Variants in MTHFD1L observed in about 807,000 individuals in gnomAD.
The protein encoded by MTHFD1L is monofunctional C1-tetrahydrofolate synthase, mitochondrial.
In MTHFD1L, 81 loss-of-function variants were observed where a neutral mutation model predicts 119.5. The ratio of observed to expected loss-of-function variants is 0.68; its 90% CI spans 0.57 to 0.82. The LOEUF is 0.82. Among genes scored for constraint, MTHFD1L ranks in the 40% least tolerant of loss-of-function variants. The pLI, the probability that MTHFD1L is intolerant of heterozygous loss-of-function variation, is 0.00. For missense variants in MTHFD1L, 1,125 were observed against 1,253.4 expected (o/e 0.90, Z 1.55); for synonymous variants, 430 against 475.2 (o/e 0.90, Z 1.24).
chr6:150,928,380 G>A (rs1790409077), intron 11 of MTHFD1L, among the ~76,000 whole-genome samples: 1 of 142,962 alleles, frequency 7.0e-6, no homozygotes, highest in Non-Finnish European at 1.5e-5. Flanking sequence ...AGCTTGCGGT[G>A]AGCCAAGATC....
At chr6:151,006,472 C>A (rs1434018998) in intron 20 of MTHFD1L, among the ~76,000 whole-genome samples, 1 of 152,024 alleles carries the variant, frequency 6.6e-6, no homozygotes, top group Non-Finnish European at 1.5e-5. Flanking sequence ...ACAAGGGTGG[C>A]CTTGACTTTT....
chr6:150,865,730 G>A lies in MTHFD1L; in HGVS notation c.-93G>A. ...GAAGCGCCAGGTCCTTCCCGCCGCC[G>A]CCGCCGCCGCCGCCGCCTGCTCCCC... On this transcript the variant is annotated 5_prime_UTR_variant, in exon 1 of 28. Transcript: ENST00000367321. 2.7e-6 allele frequency: 3 copies of A among 1,093,860 alleles called. No homozygotes were observed. Among genetic ancestry groups the A allele is most frequent in the Non-Finnish European group, 3.4e-6 (3 of 888,806 alleles). The allele number at this position is 1,093,860 out of a possible 1,614,324, so 67.8% of individuals were successfully genotyped here. A position where few individuals can be genotyped will look rare whatever the true frequency, so the allele number is the denominator to read the frequency against.
In MTHFD1L at chr6:151,075,166, C is replaced by T. The variant is rs149609007; in HGVS notation, c.2848-17301C>T. On this transcript the variant is annotated intron_variant, in intron 26 of 27. Transcript: ENST00000367321. ...TTAAACTCAACTATATCGATAATCA[C>T]ACTAGATATAAATGTCCTAAATACA... is the stretch of plus-strand genomic sequence containing the variant. Among the ~76,000 whole-genome samples, 37 of 152,016 alleles carry T rather than the reference C, an allele frequency of 2.4e-4. No individual in the cohort carries two copies. The East Asian group carries it at 7.1e-3, about 29-fold the overall frequency.
At chr6:151,019,216 C>CTCTGATCACGCCATCTGAACATGCCA in intron 24 of MTHFD1L, among the ~76,000 whole-genome samples, 3 of 152,094 alleles carry the variant, frequency 2.0e-5, no homozygotes, top group Non-Finnish European at 4.4e-5. Context: ...GTGAGTGTGC[C>CTCTGATCACGCCATCTGAACATGCCA]TCTGATCATG....
rs749780035 is a variant in MTHFD1L, at chr6:150,947,315, G to A, written c.1624-1716G>A. ...TCACCATGTTGGCCAGGCTGGTCTC[G>A]AACTCCTGACCTCAGGTGATCCACC... On this transcript the variant is annotated intron_variant, in intron 15 of 27. Coordinates refer to ENST00000367321, the MANE Select transcript of MTHFD1L (RefSeq NM_015440.5). Among the ~76,000 whole-genome samples the A allele has an allele frequency of 3.7e-3, 566 of 151,324 alleles. 4 individuals carry two copies. The highest frequency in any genetic ancestry group is 4.2e-3 in the Non-Finnish European group (282 of 67,840).
chr6:151,072,302 A>G (rs1420063459), intron 26 of MTHFD1L, among the ~76,000 whole-genome samples: 1 of 152,112 alleles, frequency 6.6e-6, no homozygotes, highest in Non-Finnish European at 1.5e-5. Context: ...CTTTTTATTA[A>G]TTTTATTCTT....
intron 7 of MTHFD1L, among the ~76,000 whole-genome samples, chr6:150,903,184 T>C (rs1785326062): frequency 6.7e-6 from 1 of 148,388 alleles, no homozygotes; most frequent in Admixed American, 6.8e-5. Flanking sequence ...ACTAGATTGC[T>C]GGTGATATTG....
At chr6:150,877,261 C>T (rs1562298099) in intron 2 of MTHFD1L, among the ~76,000 whole-genome samples, 1 of 152,154 alleles carries the variant, frequency 6.6e-6, no homozygotes, top group Non-Finnish European at 1.5e-5. Context: ...CCATGTTGCC[C>T]AGGCTGGTCT....
chr6:150,963,179 G>C (rs149806965), intron 18 of MTHFD1L, among the ~76,000 whole-genome samples: 1 of 152,134 alleles, frequency 6.6e-6, no homozygotes, highest in Admixed American at 6.6e-5. Context: ...GCCTCCCAAC[G>C]TGTTGGGATT....
chr6:151,065,301 C>T lies in MTHFD1L; in HGVS notation c.2848-27166C>T, dbSNP rs183864270. ...AGAGGGAAGGCCTAGCAGGGACTCA[C>T]GCCATCTTGACTTGCCTGCCCCAGG... On this transcript the variant is annotated intron_variant, in intron 26 of 27. Transcript: ENST00000367321. Among the ~76,000 whole-genome samples, 156 of 152,324 alleles carry T rather than the reference C, an allele frequency of 1.0e-3. 1 individual carries two copies. The highest frequency in any genetic ancestry group is 2.8e-3 in the African/African-American group (115 of 41,572).
intron 26 of MTHFD1L, among the ~76,000 whole-genome samples, chr6:151,066,646 TC>T (rs1294521421): frequency 1.3e-5 from 2 of 150,762 alleles, no homozygotes; most frequent in Non-Finnish European, 2.9e-5. Context: ...GCGCCTGTTG[TC>T]CCAGCTACTC....
At chr6:150,913,859 T>C (rs1403228111) in intron 8 of MTHFD1L, among the ~76,000 whole-genome samples, 1 of 151,952 alleles carries the variant, frequency 6.6e-6, no homozygotes, top group Non-Finnish European at 1.5e-5. Flanking sequence ...GCCCAGGTGC[T>C]GTGGCTCATG....
At chr6:151,062,547 G>A (rs970337126) in intron 26 of MTHFD1L, among the ~76,000 whole-genome samples, 1 of 152,156 alleles carries the variant, frequency 6.6e-6, no homozygotes, top group Non-Finnish European at 1.5e-5. Context: ...CAAAGTCTTT[G>A]CCCTCAAGTT....
Position 150,971,870 on chromosome 6 carries a change from A to T in MTHFD1L, c.2014-77A>T, listed in dbSNP as rs932517438. The T allele has an allele frequency of 1.4e-4, 180 of 1,266,774 alleles. No individual in the cohort carries two copies. In the South Asian group the frequency reaches 1.6e-3, roughly 11 times the overall value. 78.5% of individuals were successfully genotyped at this position (1,266,774 alleles called of 1,614,324 possible). A position where few individuals can be genotyped will look rare whatever the true frequency, so the allele number is the denominator to read the frequency against. On this transcript the variant is annotated intron_variant, in intron 19 of 27. Coordinates refer to ENST00000367321, the MANE Select transcript of MTHFD1L (RefSeq NM_015440.5). ...GTATTCATAAAAGCTTTCCTACCCC[A>T]TTTGCCCCAAATTGATCTTGGTTTC...
intron 20 of MTHFD1L, among the ~76,000 whole-genome samples, chr6:151,006,404 GC>G (rs1562526826): frequency 6.6e-6 from 1 of 152,076 alleles, no homozygotes; most frequent in Non-Finnish European, 1.5e-5. Flanking sequence ...TATTACAGAG[GC>G]ACGAAGTCTG....
intron 16 of MTHFD1L, among the ~76,000 whole-genome samples, chr6:150,955,505 T>G (rs1195245517): frequency 1.3e-5 from 2 of 150,134 alleles, no homozygotes; most frequent in African/African-American, 2.4e-5. Context: ...GTTTTTTTTT[T>G]TTTTTTTTTT....
intron 7 of MTHFD1L, among the ~76,000 whole-genome samples, chr6:150,888,795 A>C (rs1782728299): frequency 6.6e-6 from 1 of 152,228 alleles, no homozygotes; most frequent in African/African-American, 2.4e-5. Context: ...TATGGTAGAC[A>C]AACAGACGAT....
intron 26 of MTHFD1L, among the ~76,000 whole-genome samples, chr6:151,058,351 T>A (rs1358889861): frequency 6.6e-6 from 1 of 152,226 alleles, no homozygotes; most frequent in Non-Finnish European, 1.5e-5. Context: ...GCTCGGGCTC[T>A]GTCACATCCG....
intron 14 of MTHFD1L, among the ~76,000 whole-genome samples, 194 bp downstream of exon 14, chr6:150,944,787 T>C (rs1003206517): frequency 2.6e-5 from 4 of 152,248 alleles, no homozygotes; most frequent in African/African-American, 9.6e-5. Context: ...AATGGGTTTA[T>C]GAGCACTGCC....
Sources: gnomAD v4.1 joint callset for allele counts (sites outside exome capture counted in the v4.1 genomes callset) on GRCh38, gnomAD v4.1.1 for gene constraint, MANE v1.5 for transcripts, NCBI Gene and HGNC (gene_info 2026-07-23, HGNC 2026-07-21) for gene names.